Variants in TAB1 observed in about 807,000 individuals in gnomAD.
TAB1 encodes TGF-beta-activated kinase 1 and MAP3K7-binding protein 1.
TAB1 carries 30 observed loss-of-function variants against 54.5 expected under a neutral mutation model. The observed-to-expected ratio is 0.55, with a 90% CI of 0.41 to 0.75. TAB1 has a LOEUF of 0.75. Ranked by LOEUF, TAB1 falls within the 30% of genes least tolerant of loss-of-function variation. The pLI is 0.00. For synonymous variants in TAB1, 289 were observed against 286.9 expected (o/e 1.01, Z -0.07); for missense variants, 609 against 683.2 (o/e 0.89, Z 1.21).
In TAB1 at chr22:39,428,196, C is replaced by A; in HGVS notation, c.1307+13C>A. On this transcript the variant is annotated intron_variant, in intron 10 of 10. Coordinates refer to ENST00000216160, the MANE Select transcript of TAB1 (RefSeq NM_006116.3). Reference sequence around the variant, plus strand: ...CCACCCTCACCAAGTAAGTCCCTTCCCCACTGAGCCACCCCCAGCCCTGTC... The same window carrying A: ...CCACCCTCACCAAGTAAGTCCCTTCACCACTGAGCCACCCCCAGCCCTGTC... The A allele has an allele frequency of 1.3e-6, 2 of 1,571,192 alleles. No individual in the cohort carries two copies. The highest frequency in any genetic ancestry group is 2.3e-5 in the East Asian group (1 of 44,374).
At position 39,415,209 on chromosome 22, in the gene TAB1, C is replaced by T. The variant is rs565859421; in HGVS notation, c.170+67C>T. The T allele has an allele frequency of 8.3e-5, 126 of 1,511,388 alleles. 1 individual carries two copies. The East Asian group carries it at 1.9e-3, about 22-fold the overall frequency. The allele number at this position is 1,511,388 out of a possible 1,614,324, so 93.6% of individuals were successfully genotyped here. On this transcript the variant is annotated intron_variant, in intron 2 of 10. Coordinates refer to ENST00000216160, the MANE Select transcript of TAB1 (RefSeq NM_006116.3). This position sits in a 1 kb window ranked among gnomAD's most constrained non-coding sequence, Gnocchi z 4.9. ...TTGGTTTGCAAGCAAGGAAAGACAC[C>T]GACCTTGCAGCTTTCTCGTATGGGC...
chr22:39,399,910 CCTT>C, intron 1 of TAB1, 75 bp downstream of exon 1: 2 of 1,502,090 alleles, frequency 1.3e-6, no homozygotes, highest in Non-Finnish European at 1.8e-6. Context: ...AGGAACGGCT[CCTT>C]CTCCGAGTTT....
At chr22:39,434,495 A>G (rs376826498), downstream of TAB1, among the ~76,000 whole-genome samples, 31 of 152,286 alleles carry the variant, frequency 2.0e-4, no homozygotes, top group East Asian at 5.6e-3. Flanking sequence ...AAACCAAACA[A>G]GGATGCAGAT....
At chr22:39,417,907 C>T (rs1008092293) in intron 5 of TAB1, 58 bp downstream of exon 5, 33 of 1,536,136 alleles carry the variant, frequency 2.1e-5, no homozygotes, top group East Asian at 1.7e-4. Context: ...CCACAGGGGT[C>T]GGTGCATTAT....
intron 1 of TAB1, among the ~76,000 whole-genome samples, 187 bp downstream of exon 1, chr22:39,400,022 G>GCCCGGCC (rs1348614779): frequency 6.6e-6 from 1 of 152,168 alleles, no homozygotes. Flanking sequence ...TGCGCGGCGG[G>GCCCGGCC]CCCGGCCCCC....
intron 1 of TAB1, among the ~76,000 whole-genome samples, chr22:39,411,248 G>C (rs956708985): frequency 1.3e-5 from 2 of 152,166 alleles, no homozygotes; most frequent in Non-Finnish European, 2.9e-5. Flanking sequence ...GGACTGGACA[G>C]AGAGTTCTTA....
downstream of TAB1, chr22:39,433,654 A>G: frequency 1.0e-6 from 1 of 985,428 alleles, no homozygotes; most frequent in Non-Finnish European, 1.2e-6. Flanking sequence ...GGGAGCTGGC[A>G]GCAGAGCCAG....
chr22:39,436,735 G>A, downstream of TAB1: 1 of 612,704 alleles, frequency 1.6e-6, no homozygotes, highest in Non-Finnish European at 2.9e-6. Context: ...GTCCACTGAG[G>A]CTTCCCTCAC....
chr22:39,433,871 T>C, downstream of TAB1: 5 of 964,198 alleles, frequency 5.2e-6, no homozygotes, highest in Non-Finnish European at 6.2e-6. Context: ...AGCCCTTCCC[T>C]GGCCCCCACC....
intron 1 of TAB1, among the ~76,000 whole-genome samples, chr22:39,402,424 G>T (rs5757657): frequency 0.7 from 105,898 of 152,130 alleles, 37,137 homozygotes; most frequent in East Asian, 0.93. Flanking sequence ...TGGCCTGATT[G>T]GTCTGGGTCA....
chr22:39,434,860 C>G (rs563817478), downstream of TAB1, among the ~76,000 whole-genome samples: 1 of 152,222 alleles, frequency 6.6e-6, no homozygotes, highest in Non-Finnish European at 1.5e-5. Context: ...CTCCTGCACT[C>G]GGCATTTCAG....
chr22:39,415,285 A>G lies in TAB1; in HGVS notation c.170+143A>G. 2 of 1,174,628 alleles carry G rather than the reference A, an allele frequency of 1.7e-6. No homozygotes were observed. Among genetic ancestry groups the G allele is most frequent in the Non-Finnish European group, 2.4e-6 (2 of 844,966 alleles). The allele number at this position is 1,174,628 out of a possible 1,614,324, so 72.8% of individuals were successfully genotyped here. ...AGGTGGCCTCTGCTGCTGTCTTGCC[A>G]AGGGCCTGCTCTGATGGGGTAGCGT... On this transcript the variant is annotated intron_variant, in intron 2 of 10. Coordinates refer to ENST00000216160, the MANE Select transcript of TAB1 (RefSeq NM_006116.3). The surrounding 1 kb of genome is among the most constrained non-coding windows in gnomAD (Gnocchi z 4.9).
rs748809875 is a variant in TAB1, at chr22:39,415,452, C to T, written c.171-48C>T. ...TTCCTTTCCCTTTCTCCCTCCACCTCCGTGAGACCCTGGTCTCAGGCCTCC... is the reference window on the plus strand; with the variant it reads ...TTCCTTTCCCTTTCTCCCTCCACCTTCGTGAGACCCTGGTCTCAGGCCTCC... On this transcript the variant is annotated intron_variant, in intron 2 of 10. Coordinates refer to ENST00000216160, the MANE Select transcript of TAB1 (RefSeq NM_006116.3). The surrounding 1 kb of genome is among the most constrained non-coding windows in gnomAD (Gnocchi z 4.9). The T allele has an allele frequency of 1.3e-6, 2 of 1,594,492 alleles. No individual in the cohort carries two copies. Among genetic ancestry groups the T allele is most frequent in the Non-Finnish European group, 1.7e-6 (2 of 1,163,796 alleles).
chr22:39,423,227 T>C (rs1927172171), intron 8 of TAB1, among the ~76,000 whole-genome samples: 2 of 152,196 alleles, frequency 1.3e-5, no homozygotes, highest in African/African-American at 4.8e-5. Context: ...TGGTCTCAAG[T>C]GATCCTCCTA....
intron 8 of TAB1, 78 bp from the exon 9 acceptor site, chr22:39,426,625 T>C: frequency 7.5e-7 from 1 of 1,332,708 alleles, no homozygotes; most frequent in Non-Finnish European, 1.0e-6. Context: ...TCTCCTGATT[T>C]TAGGCTCCAA....
At chr22:39,426,993 C>A (rs1927378070) in intron 9 of TAB1, 68 bp downstream of exon 9, 4 of 1,498,320 alleles carry the variant, frequency 2.7e-6, no homozygotes, top group Admixed American at 3.8e-5. Context: ...GGTGCAGAGC[C>A]CCCGAGGCTG....
chr22:39,420,171 A>G (rs1927007864), intron 7 of TAB1, among the ~76,000 whole-genome samples: 1 of 152,208 alleles, frequency 6.6e-6, no homozygotes, highest in Non-Finnish European at 1.5e-5. Context: ...ATGGGCAGTC[A>G]TCATCACACG....
downstream of TAB1, among the ~76,000 whole-genome samples, chr22:39,434,474 C>T (rs922772628): frequency 2.6e-5 from 4 of 152,264 alleles, no homozygotes; most frequent in African/African-American, 9.6e-5. Flanking sequence ...CCTTCTGGGC[C>T]CCCTGTTTTG....
Position 39,417,707 on chromosome 22 carries a change from G to A in TAB1, c.412-4G>A. ...CTGCCCTGACCCTCTGTTGATGGTT[G>A]TAGGGAGTCCCTCAGCACCAGCTGC... On this transcript the variant is annotated splice_region_variant and splice_polypyrimidine_tract_variant and intron_variant, in intron 4 of 10. Transcript: ENST00000216160. The A allele has an allele frequency of 5.6e-6, 9 of 1,606,538 alleles. No homozygotes were observed. In the Admixed American group the frequency reaches 1.0e-4, roughly 18 times the overall value.
Sources: allele counts gnomAD v4.1 joint callset (sites outside exome capture counted in the v4.1 genomes callset), GRCh38; gene constraint gnomAD v4.1.1; non-coding constraint Gnocchi (gnomAD v3.1); transcripts MANE v1.5; gene names NCBI Gene and HGNC (gene_info 2026-07-23, HGNC 2026-07-21).